The following RGS12 variants were observed in gnomAD, a reference collection of about 807,000 sequenced individuals.
RGS12 encodes the protein regulator of G protein signaling 12, also known as regulator of G-protein signaling 12.
A neutral mutation model predicts 120.1 loss-of-function variants in RGS12; 66 were observed. The observed-to-expected ratio is 0.55, with a 90% confidence interval of 0.45 to 0.67. RGS12 has a LOEUF of 0.67. Ranked by LOEUF, RGS12 falls within the 30% of genes least tolerant of loss-of-function variation. The pLI is 0.00. For synonymous variants in RGS12, 827 were observed against 804.7 expected, an observed-to-expected ratio of 1.03 and a Z score of -0.47; for missense variants, 1,859 against 1,957.7, an observed-to-expected ratio of 0.95 and a Z score of 0.95.
At position 3,317,963 on chromosome 4, in the gene RGS12, C is replaced by G. The variant is rs754357222; in HGVS notation, c.1793C>G (p.Pro598Arg). Residue 598 changes from proline (P) to arginine (R), a missense_variant, in exon 2 of 18, where the codon CCG becomes CGG. Physicochemically the swap from Pro to Arg is moderately radical, Grantham distance 103. Coordinates refer to ENST00000336727, the MANE Select transcript of RGS12 (RefSeq NM_001394154.1). The stretch of plus-strand genomic sequence containing the variant: ...TTCGCGCAGCCCCCGCTGAATGCCC[C>G]GAAGAGGGAGTGGTCCAGGAAGGCC... ...GSFAQPPLNA[P>R]KREWSRKAFG... 15 of 1,614,072 alleles carry G rather than the reference C, an allele frequency of 9.3e-6. No individual in the cohort carries two copies. Among genetic ancestry groups the G allele is most frequent in the African/African-American group, 1.3e-5 (1 of 74,952 alleles).
At position 3,366,115 on chromosome 4, in the gene RGS12, A is replaced by G. The variant is rs2108866388; in HGVS notation, c.1999-20301A>G. Reference sequence around the variant, plus strand: ...TCTGGGGGGTGCTGGCCTGGGCAGCACCATGACCCACCCGAGAAGGGCAAT... The same window carrying G: ...TCTGGGGGGTGCTGGCCTGGGCAGCGCCATGACCCACCCGAGAAGGGCAAT... On this transcript the variant is annotated intron_variant, in intron 3 of 17. Transcript: ENST00000336727. The surrounding 1 kb of genome is among the most constrained non-coding windows in gnomAD (Gnocchi z 4.0). Among the ~76,000 whole-genome samples the G allele has an allele frequency of 6.6e-6, 1 of 152,184 alleles. No homozygotes were observed. The highest frequency in any genetic ancestry group is 2.4e-5 in the African/African-American group (1 of 41,514).
At chr4:3,363,064 A>T (rs1715877338) in intron 3 of RGS12, among the ~76,000 whole-genome samples, 1 of 142,990 alleles carries the variant, frequency 7.0e-6, no homozygotes, top group African/African-American at 2.7e-5. Flanking sequence ...TGTGTGTGTG[A>T]AATAGTGTGT....
At chr4:3,422,069 T>C (rs1257310695) in intron 10 of RGS12, among the ~76,000 whole-genome samples, 4 of 151,966 alleles carry the variant, frequency 2.6e-5, no homozygotes, top group Admixed American at 1.3e-4. Flanking sequence ...GCAGCTTCAG[T>C]GGGCCCCGCA....
chr4:3,317,578 G>A lies in RGS12; in HGVS notation c.1408G>A (p.Ala470Thr). 6.2e-7 allele frequency: 1 copy of A among 1,602,072 alleles called. No homozygotes were observed. Among genetic ancestry groups the A allele is most frequent in the Middle Eastern group, 1.7e-4 (1 of 6,012 alleles). ...TGGGAGGGGTGCCCAGCCCTGGGGT[G>A]CTCCCTGGACTGGGCCCTTCTGTCC... ...VGGRGAQPWG[A>T]PWTGPFCPDP... Residue 470 changes from alanine to threonine, a missense_variant, in exon 2 of 18, where the codon GCT becomes ACT. Physicochemically the swap from Ala to Thr is moderately conservative, Grantham distance 58. Transcript: ENST00000336727.
chr4:3,348,493 A>C (rs913409229), intron 3 of RGS12, among the ~76,000 whole-genome samples: 4 of 152,186 alleles, frequency 2.6e-5, no homozygotes, highest in African/African-American at 9.7e-5. Context: ...ACTTGAATTT[A>C]ATGAGACATA....
chr4:3,430,305 G>C (rs927435716), intron 16 of RGS12, 102 bp from the exon 17 acceptor site: 2 of 1,067,602 alleles, frequency 1.9e-6, no homozygotes, highest in Non-Finnish European at 2.7e-6. Flanking sequence ...CTGATAGGGT[G>C]TTAGGACAGC....
chr4:3,353,661 A>G (rs1714594074), intron 3 of RGS12, among the ~76,000 whole-genome samples: 1 of 152,070 alleles, frequency 6.6e-6, no homozygotes, highest in South Asian at 2.1e-4. Context: ...AGTAGCTCTT[A>G]CCTAGTGAGT....
chr4:3,292,877 C>A (rs1244057583), upstream of RGS12, among the ~76,000 whole-genome samples: 3 of 151,554 alleles, frequency 2.0e-5, no homozygotes, highest in East Asian at 2.0e-4. Flanking sequence ...CGAAGGCCCT[C>A]GCCCCGCCCC....
chr4:3,335,203 GC>G (rs1029053754), intron 2 of RGS12, among the ~76,000 whole-genome samples: 3 of 152,088 alleles, frequency 2.0e-5, no homozygotes, highest in Non-Finnish European at 2.9e-5. Context: ...CAGTCTTTGT[GC>G]ACATTTTTCT....
intron 4 of RGS12, among the ~76,000 whole-genome samples, chr4:3,411,153 A>G (rs1035246934): frequency 6.6e-6 from 1 of 152,160 alleles, no homozygotes; most frequent in Non-Finnish European, 1.5e-5. Context: ...GATTTGTTTC[A>G]GTGTGTGCTG....
In RGS12 at chr4:3,428,624, A is replaced by G. The variant is rs769447248; in HGVS notation, c.3478A>G (p.Arg1160Gly). The change falls in exon 16 of 18, where the codon AGG becomes GGG. Residue 1160 changes from arginine (R) to glycine (G), a missense_variant. Coordinates refer to ENST00000336727, the MANE Select transcript of RGS12 (RefSeq NM_001394154.1). ...AAAAGGAGAAAATGGAAAAAATGCTAGGGATCCCCGGCTTTCAAAGAGAGA... is the reference window on the plus strand; with the variant it reads ...AAAAGGAGAAAATGGAAAAAATGCTGGGGATCCCCGGCTTTCAAAGAGAGA... ...KIKGENGKNA[R>G]DPRLSKREES... The G allele has an allele frequency of 4.4e-6, 7 of 1,596,780 alleles. No individual in the cohort carries two copies. The Admixed American group carries it at 6.9e-5, about 16-fold the overall frequency.
At chr4:3,343,841 T>G (rs1332833773) in intron 3 of RGS12, among the ~76,000 whole-genome samples, 1 of 152,248 alleles carries the variant, frequency 6.6e-6, no homozygotes, top group East Asian at 1.9e-4. Flanking sequence ...CAGGTGCAGC[T>G]GTATTCTATG....
chr4:3,302,018 A>T (rs1185134552), intron 1 of RGS12, among the ~76,000 whole-genome samples: 1 of 151,450 alleles, frequency 6.6e-6, no homozygotes, highest in African/African-American at 2.4e-5. Context: ...AAATCTGGCA[A>T]CTCCATTTAT....
chr4:3,425,313 GT>G, intron 13 of RGS12, 150 bp from the exon 14 acceptor site: 1 of 709,188 alleles, frequency 1.4e-6, no homozygotes, highest in East Asian at 2.5e-5. Context: ...GCCCCAGCTT[GT>G]GTGCCTCAGT....
chr4:3,317,344 G>T lies in RGS12; in HGVS notation c.1174G>T (p.Asp392Tyr), dbSNP rs1192796866. ...GCAGTTCATCTCTGTCCTGTACCGA[G>T]ACATGGGTGAGCTGATTGAGGGCAT... is the stretch of plus-strand genomic sequence containing the variant. ...VLQFISVLYR[D>Y]MGELIEGMRA... Residue 392 changes from aspartate (D) to tyrosine (Y), a missense_variant, in exon 2 of 18, where the codon GAC (aspartate) becomes TAC (tyrosine). Physicochemically the swap from Asp to Tyr is radical, Grantham distance 160. Transcript: ENST00000336727. The T allele has an allele frequency of 1.2e-6, 2 of 1,614,046 alleles. No individual in the cohort carries two copies. The highest frequency in any genetic ancestry group is 4.5e-5 in the East Asian group (2 of 44,890).
rs1724479167 is a variant in RGS12 at position 3,433,074 on chromosome 4, C to T, written c.4114+2119C>T. Among the ~76,000 whole-genome samples, 1 of 152,246 alleles carries T rather than the reference C, an allele frequency of 6.6e-6. No homozygotes were observed. The highest frequency in any genetic ancestry group is 1.5e-5 in the Non-Finnish European group (1 of 68,038). ...TGCCCATGGCGGCAAAGGAAACAGGCTGTGAATGCCGTGGTGGCCTGATGG... is the reference window on the plus strand; with the variant it reads ...TGCCCATGGCGGCAAAGGAAACAGGTTGTGAATGCCGTGGTGGCCTGATGG... On this transcript the variant is annotated intron_variant, in intron 17 of 17. Transcript: ENST00000336727. This position sits in a 1 kb window ranked among gnomAD's most constrained non-coding sequence, Gnocchi z 4.4.
chr4:3,367,668 G>C (rs1379665410), intron 3 of RGS12, among the ~76,000 whole-genome samples: 1 of 152,228 alleles, frequency 6.6e-6, no homozygotes. Flanking sequence ...GCCCTCAGGC[G>C]GTCACAGGAG....
At chr4:3,339,698 A>G (rs548405160) in intron 2 of RGS12, among the ~76,000 whole-genome samples, 1 of 152,310 alleles carries the variant, frequency 6.6e-6, no homozygotes, top group African/African-American at 2.4e-5. Context: ...CCTTGCCACA[A>G]GGATCAGCAC....
chr4:3,399,273 A>G (rs1720348884), intron 4 of RGS12, among the ~76,000 whole-genome samples: 1 of 152,218 alleles, frequency 6.6e-6, no homozygotes, highest in African/African-American at 2.4e-5. Flanking sequence ...AAATGCAGAA[A>G]TTATCAAAAT....
Sources: allele counts gnomAD v4.1 joint callset (sites outside exome capture counted in the v4.1 genomes callset), GRCh38; gene constraint gnomAD v4.1.1; non-coding constraint Gnocchi (gnomAD v3.1); transcripts MANE v1.5; gene names NCBI Gene and HGNC (gene_info 2026-07-23, HGNC 2026-07-21).